The following DEPDC1B variants were observed in gnomAD, a reference collection of about 807,000 sequenced individuals.
DEPDC1B encodes the protein DEP domain-containing protein 1B.
DEPDC1B carries 51 observed loss-of-function variants against 66.5 expected under a neutral mutation model. The observed-to-expected ratio is 0.77, with a 90% CI of 0.61 to 0.97. The LOEUF (loss-of-function observed/expected upper bound fraction) is 0.97, where lower values mean the gene tolerates loss of function less well. Ranked by LOEUF, DEPDC1B falls within the 50% of genes least tolerant of loss-of-function variation. The pLI is 0.00. For missense variants in DEPDC1B, 552 were observed against 637.1 expected, an observed-to-expected ratio of 0.87 and a Z score of 1.44; for synonymous variants, 226 against 223.6, an observed-to-expected ratio of 1.01 and a Z score of -0.10.
chr5:60,603,307 T>C (rs1324730033), intron 9 of DEPDC1B, 84 bp downstream of exon 9: 1 of 1,298,240 alleles, frequency 7.7e-7, no homozygotes, highest in East Asian at 2.5e-5. Flanking sequence ...TTAATCCTCA[T>C]AATAAAATGC....
At chr5:60,696,781 GA>G (rs1398151697) in intron 1 of DEPDC1B, among the ~76,000 whole-genome samples, 2 of 152,094 alleles carry the variant, frequency 1.3e-5, no homozygotes, top group Non-Finnish European at 1.5e-5. Flanking sequence ...TTCTTAACAT[GA>G]TGAGGCAAAC....
At chr5:60,684,199 G>A (rs1754359872) in intron 2 of DEPDC1B, among the ~76,000 whole-genome samples, 1 of 152,010 alleles carries the variant, frequency 6.6e-6, no homozygotes, top group Non-Finnish European at 1.5e-5. Context: ...CAGATTCAAC[G>A]CAGTCTTTAT....
chr5:60,678,576 T>C (rs116816861), intron 2 of DEPDC1B, among the ~76,000 whole-genome samples: 1,887 of 152,332 alleles, frequency 0.012, 16 homozygotes, highest in Non-Finnish European at 0.02. Flanking sequence ...ATCATTAGTA[T>C]TTTTATTTTA....
intron 9 of DEPDC1B, among the ~76,000 whole-genome samples, chr5:60,603,066 A>G (rs529789345): frequency 1.3e-5 from 2 of 152,342 alleles, no homozygotes; most frequent in African/African-American, 4.8e-5. Context: ...ACTAGGTCAC[A>G]GGGCAATTAT....
chr5:60,666,712 T>C (rs1018211662), intron 2 of DEPDC1B, among the ~76,000 whole-genome samples: 2 of 152,088 alleles, frequency 1.3e-5, no homozygotes, highest in Non-Finnish European at 2.9e-5. Context: ...TTGGTTGTAG[T>C]TTTGTTTAGT....
At position 60,615,389 on chromosome 5, in the gene DEPDC1B, T is replaced by A. The variant is rs572724536; in HGVS notation, c.899-9533A>T. Among the ~76,000 whole-genome samples the A allele has an allele frequency of 4.6e-5, 7 of 152,304 alleles. No homozygotes were observed. The East Asian group carries it at 1.4e-3, about 29-fold the overall frequency. Reference sequence around the variant, plus strand: ...AAGCACAAGGGGTCAGGGAATTCCCTTTCCTAGTCAAAGAAAGGGGTGACA... The same window carrying A: ...AAGCACAAGGGGTCAGGGAATTCCCATTCCTAGTCAAAGAAAGGGGTGACA... On this transcript the variant is annotated intron_variant, in intron 7 of 10. Coordinates refer to ENST00000265036, the MANE Select transcript of DEPDC1B (RefSeq NM_018369.3).
intron 2 of DEPDC1B, among the ~76,000 whole-genome samples, chr5:60,665,939 A>G (rs1753827328): frequency 6.6e-6 from 1 of 152,240 alleles, no homozygotes; most frequent in South Asian, 2.1e-4. Context: ...ATATAAACCC[A>G]GGCATTCCAG....
In DEPDC1B at chr5:60,670,945, T is replaced by G. The variant is rs1371400668; in HGVS notation, c.314+16017A>C. ...TGATCAGCAGGCAGGAGACTTGCAT[T>G]TACACAATCGGGGCAGGGAGAAACA... On this transcript the variant is annotated intron_variant, in intron 2 of 10. Coordinates refer to ENST00000265036, the MANE Select transcript of DEPDC1B (RefSeq NM_018369.3). Among the ~76,000 whole-genome samples, 3 of 152,106 alleles carry G rather than the reference T, an allele frequency of 2.0e-5. No homozygotes were observed. In the East Asian group the frequency reaches 5.8e-4, roughly 29 times the overall value.
At chr5:60,648,412 A>G (rs539851186) in intron 2 of DEPDC1B, among the ~76,000 whole-genome samples, 1 of 152,222 alleles carries the variant, frequency 6.6e-6, no homozygotes, top group Non-Finnish European at 1.5e-5. Flanking sequence ...GTTGAAGACC[A>G]TATAAGCTGG....
At chr5:60,613,917 A>G (rs1752478527) in intron 7 of DEPDC1B, among the ~76,000 whole-genome samples, 1 of 151,884 alleles carries the variant, frequency 6.6e-6, no homozygotes, top group African/African-American at 2.4e-5. Context: ...CCAAGAGATT[A>G]CTTATTGATA....
intron 7 of DEPDC1B, among the ~76,000 whole-genome samples, chr5:60,634,935 T>C (rs1033072728): frequency 6.6e-6 from 1 of 151,894 alleles, no homozygotes; most frequent in African/African-American, 2.4e-5. Flanking sequence ...GGTGCATGCC[T>C]GTAATCCCAG....
intron 1 of DEPDC1B, among the ~76,000 whole-genome samples, chr5:60,698,483 GT>G (rs563765323): frequency 5.9e-4 from 90 of 152,304 alleles, no homozygotes; most frequent in African/African-American, 1.8e-3. Flanking sequence ...CCAGGACCAA[GT>G]CAAGCAGCCA....
intron 2 of DEPDC1B, among the ~76,000 whole-genome samples, chr5:60,658,492 C>T (rs1396927231): frequency 6.6e-6 from 1 of 152,158 alleles, no homozygotes; most frequent in East Asian, 1.9e-4. Flanking sequence ...GGGGTGATCC[C>T]TTTGAGAGAC....
At chr5:60,698,806 T>C (rs971367571) in intron 1 of DEPDC1B, among the ~76,000 whole-genome samples, 27 of 152,122 alleles carry the variant, frequency 1.8e-4, no homozygotes, top group African/African-American at 6.0e-4. Context: ...GCTGAGACTA[T>C]AGGCGCATGC....
At chr5:60,698,572 A>G (rs915862840) in intron 1 of DEPDC1B, among the ~76,000 whole-genome samples, 1 of 152,188 alleles carries the variant, frequency 6.6e-6, no homozygotes, top group African/African-American at 2.4e-5. Flanking sequence ...CATTGACATG[A>G]GTCTAGCCCA....
intron 2 of DEPDC1B, among the ~76,000 whole-genome samples, chr5:60,666,327 G>A (rs886117652): frequency 1.3e-5 from 2 of 152,226 alleles, no homozygotes; most frequent in South Asian, 4.1e-4. Flanking sequence ...AACACTCACC[G>A]CATGGCCCAA....
At chr5:60,693,824 T>A (rs1433326788) in intron 1 of DEPDC1B, among the ~76,000 whole-genome samples, 1 of 152,108 alleles carries the variant, frequency 6.6e-6, no homozygotes, top group Non-Finnish European at 1.5e-5. Context: ...TATCATTAGA[T>A]TGTTGTACCG....
Position 60,687,138 on chromosome 5 carries a change from C to A in DEPDC1B, c.138G>T (p.Ala46=), listed in dbSNP as rs753975071. The stretch of plus-strand genomic sequence containing the variant: ...CATGCAGCCAATCCACAGCTTCGGC[C>A]GCTGTGAAACAATGCTCATAGCTCT... ...RFKSYEHCFT[A]AEAVDWLHEL... Residue 46 remains alanine (A), a synonymous_variant, in exon 2 of 11, where the codon GCG becomes GCT. Coordinates refer to ENST00000265036, the MANE Select transcript of DEPDC1B (RefSeq NM_018369.3). 2.5e-6 allele frequency: 4 copies of A among 1,614,116 alleles called. No individual in the cohort carries two copies. In the East Asian group the frequency reaches 8.9e-5, roughly 36 times the overall value.
chr5:60,658,478 C>T (rs1753628736), intron 2 of DEPDC1B, among the ~76,000 whole-genome samples: 1 of 152,110 alleles, frequency 6.6e-6, no homozygotes, highest in Non-Finnish European at 1.5e-5. Context: ...TTATTTTGTC[C>T]CATGGGGTGA....
Sources: allele counts gnomAD v4.1 joint callset (sites outside exome capture counted in the v4.1 genomes callset), GRCh38; gene constraint gnomAD v4.1.1; transcripts MANE v1.5; gene names NCBI Gene and HGNC (gene_info 2026-07-23, HGNC 2026-07-21).